CCDC102B: variants seen among roughly 807,000 people sequenced by gnomAD.
CCDC102B encodes coiled-coil domain-containing protein 102B.
A neutral mutation model predicts 57.4 loss-of-function variants in CCDC102B; 75 were observed. The observed-to-expected ratio is 1.31, with a 90% CI of 1.08 to 1.58. The LOEUF is 1.58. CCDC102B is among the 40% of genes most tolerant of loss of function. The pLI is 0.00. For missense variants in CCDC102B, 636 were observed against 582.6 expected, an observed-to-expected ratio of 1.09 and a Z score of -0.94; for synonymous variants, 206 against 201.9, an observed-to-expected ratio of 1.02 and a Z score of -0.17.
At chr18:68,904,234 G>A (rs7241570) in intron 6 of CCDC102B, among the ~76,000 whole-genome samples, 138,864 of 152,144 alleles carry the variant, frequency 0.91, 63,436 homozygotes, top group East Asian at 0.99. Flanking sequence ...AAATGTAGCT[G>A]TTAATAAAAA....
intron 7 of CCDC102B, among the ~76,000 whole-genome samples, chr18:69,015,156 T>C (rs939221381): frequency 1.3e-5 from 2 of 152,316 alleles, no homozygotes; most frequent in Admixed American, 6.5e-5. Flanking sequence ...GGAATCGTAG[T>C]ATCACAGGGA....
chr18:69,033,328 T>C (rs1056836452), intron 7 of CCDC102B, among the ~76,000 whole-genome samples: 3 of 152,132 alleles, frequency 2.0e-5, no homozygotes, highest in African/African-American at 7.2e-5. Flanking sequence ...AAGGGTTCAG[T>C]GCAATTCAAT....
At chr18:68,756,485 A>G (rs9965308) in intron 2 of CCDC102B, among the ~76,000 whole-genome samples, 25,181 of 152,074 alleles carry the variant, frequency 0.17, 2,098 homozygotes, top group East Asian at 0.3. Flanking sequence ...TTAAAATGCA[A>G]ATTGCCAACG....
intron 7 of CCDC102B, among the ~76,000 whole-genome samples, chr18:69,050,331 A>C (rs2052674993): frequency 4.6e-5 from 7 of 152,200 alleles, no homozygotes; most frequent in Admixed American, 4.6e-4. Flanking sequence ...GCTTCATCTT[A>C]GTCATCACCT....
chr18:68,824,978 T>G (rs1330793172), intron 1 of CCDC102B, among the ~76,000 whole-genome samples: 1 of 152,038 alleles, frequency 6.6e-6, no homozygotes, highest in Admixed American at 6.6e-5. Flanking sequence ...AAGAAGGAAA[T>G]AGGTTAATAT....
At chr18:68,811,297 T>C (rs1454531829) in intron 1 of CCDC102B, among the ~76,000 whole-genome samples, 1 of 152,194 alleles carries the variant, frequency 6.6e-6, no homozygotes, top group East Asian at 1.9e-4. Flanking sequence ...ATGGAAACTT[T>C]GAAAGAAACA....
chr18:68,796,714 T>A (rs138071690), upstream of CCDC102B, among the ~76,000 whole-genome samples: 216 of 152,126 alleles, frequency 1.4e-3, no homozygotes, highest in Admixed American at 3.3e-3. Flanking sequence ...AGGAGAGTGT[T>A]ATGCCAAGAC....
chr18:68,889,835 G>A (rs185820053), intron 5 of CCDC102B, among the ~76,000 whole-genome samples: 4 of 152,254 alleles, frequency 2.6e-5, no homozygotes, highest in African/African-American at 9.6e-5. Context: ...TTCTCAAATT[G>A]TCCCAAAGCT....
chr18:68,799,189 T>C (rs910261125), intron 1 of CCDC102B, among the ~76,000 whole-genome samples: 1 of 152,160 alleles, frequency 6.6e-6, no homozygotes, highest in Admixed American at 6.6e-5. Context: ...TTCTATTTCA[T>C]ATTTTAATGA....
chr18:68,856,761 A>T (rs2038404680), intron 4 of CCDC102B, among the ~76,000 whole-genome samples: 1 of 151,898 alleles, frequency 6.6e-6, no homozygotes. Flanking sequence ...TATCTTGAAG[A>T]TGTTTCTACA....
chr18:68,914,190 G>A (rs2040981540), intron 6 of CCDC102B, among the ~76,000 whole-genome samples: 1 of 152,178 alleles, frequency 6.6e-6, no homozygotes, highest in Non-Finnish European at 1.5e-5. Flanking sequence ...ATTCCCTGCT[G>A]CAGTCACTAT....
chr18:68,743,141 G>A (rs1040470433), intron 2 of CCDC102B, among the ~76,000 whole-genome samples: 1 of 151,828 alleles, frequency 6.6e-6, no homozygotes, highest in Non-Finnish European at 1.5e-5. Flanking sequence ...TGAGGTGGGT[G>A]GATCAACTGA....
intron 4 of CCDC102B, among the ~76,000 whole-genome samples, chr18:68,856,216 T>C (rs1168876848): frequency 2.0e-5 from 3 of 152,190 alleles, no homozygotes; most frequent in Non-Finnish European, 1.5e-5. Flanking sequence ...AATTAAGAAA[T>C]AAATTATGTT....
chr18:68,870,196 G>C (rs1021871473), intron 4 of CCDC102B, among the ~76,000 whole-genome samples: 2 of 152,070 alleles, frequency 1.3e-5, no homozygotes, highest in Non-Finnish European at 2.9e-5. Flanking sequence ...AGCCTGTCAG[G>C]GGGTGGGTGG....
chr18:68,932,679 G>T (rs2041715457), intron 6 of CCDC102B, among the ~76,000 whole-genome samples: 1 of 151,922 alleles, frequency 6.6e-6, no homozygotes, highest in Admixed American at 6.6e-5. Flanking sequence ...TTGGGGAGAA[G>T]ATACTAAACA....
intron 6 of CCDC102B, among the ~76,000 whole-genome samples, chr18:68,901,758 T>A (rs2040462091): frequency 6.6e-6 from 1 of 152,100 alleles, no homozygotes; most frequent in Non-Finnish European, 1.5e-5. Context: ...TAGCTGGAAG[T>A]CTTTTTCTGA....
chr18:68,810,473 G>A (rs2036201205), intron 1 of CCDC102B, among the ~76,000 whole-genome samples: 1 of 151,854 alleles, frequency 6.6e-6, no homozygotes, highest in Non-Finnish European at 1.5e-5. Flanking sequence ...AAATATTCAG[G>A]AAAAATTTTC....
upstream of CCDC102B, among the ~76,000 whole-genome samples, chr18:68,795,480 A>C (rs1229413098): frequency 2.0e-5 from 3 of 152,194 alleles, no homozygotes; most frequent in African/African-American, 7.2e-5. Context: ...TCCAAAATCA[A>C]GATGTCAGTC....
chr18:68,955,798 G>T (rs1296778016), intron 6 of CCDC102B, among the ~76,000 whole-genome samples: 1 of 151,866 alleles, frequency 6.6e-6, no homozygotes, highest in Non-Finnish European at 1.5e-5. Flanking sequence ...CATAGTAGAT[G>T]TATTAAATTA....
Sources: gnomAD v4.1 joint callset for allele counts (sites outside exome capture counted in the v4.1 genomes callset) on GRCh38, gnomAD v4.1.1 for gene constraint, MANE v1.5 for transcripts, NCBI Gene and HGNC (gene_info 2026-07-23, HGNC 2026-07-21) for gene names.